The following CRACD variants were observed in gnomAD, a reference collection of about 807,000 sequenced individuals.
The protein encoded by CRACD is capping protein inhibiting regulator of actin dynamics.
In CRACD, 56 loss-of-function variants were observed where a neutral mutation model predicts 106.8. The ratio of observed to expected loss-of-function variants is 0.52; its 90% CI spans 0.42 to 0.66. The LOEUF (loss-of-function observed/expected upper bound fraction) is 0.66. CRACD is among the 30% of genes least tolerant of loss of function. The probability of loss-of-function intolerance (pLI) is 0.00; values close to 1 mark genes in which losing one functional copy is unlikely to be tolerated. For synonymous variants in CRACD, 754 were observed against 670.8 expected, an observed-to-expected ratio of 1.12 and a Z score of -1.92; for missense variants, 1,730 against 1,623.2, an observed-to-expected ratio of 1.07 and a Z score of -1.13.
chr4:56,120,061 G>A (rs973809669), intron 1 of CRACD, among the ~76,000 whole-genome samples: 10 of 152,134 alleles, frequency 6.6e-5, no homozygotes, highest in Admixed American at 5.2e-4. Context: ...GTTGTGTGAA[G>A]GTGAAACTAG....
chr4:56,112,197 G>A (rs552904171), intron 1 of CRACD, among the ~76,000 whole-genome samples: 33 of 152,294 alleles, frequency 2.2e-4, no homozygotes, highest in African/African-American at 7.7e-4. Flanking sequence ...GTGCAACGAA[G>A]CCAAATGCTG....
chr4:56,258,922 T>C (rs1741528936), intron 2 of CRACD, among the ~76,000 whole-genome samples: 1 of 152,138 alleles, frequency 6.6e-6, no homozygotes, highest in South Asian at 2.1e-4. Flanking sequence ...TACCCAACCA[T>C]ATATGCTCTA....
chr4:56,261,310 T>C (rs185565438), intron 2 of CRACD, among the ~76,000 whole-genome samples: 7 of 151,654 alleles, frequency 4.6e-5, no homozygotes, highest in African/African-American at 1.7e-4. Flanking sequence ...GGCCAAACAC[T>C]GAGGCTTCAC....
chr4:56,199,659 G>A (rs1182563917), intron 2 of CRACD, among the ~76,000 whole-genome samples: 1 of 138,570 alleles, frequency 7.2e-6, no homozygotes, highest in Non-Finnish European at 1.5e-5. Flanking sequence ...TCCAGCCTAG[G>A]CAACAGAGCG....
chr4:56,264,302 A>C (rs1577826383), intron 2 of CRACD, among the ~76,000 whole-genome samples: 1 of 152,248 alleles, frequency 6.6e-6, no homozygotes, highest in Middle Eastern at 3.4e-3. Context: ...CCCCTACTTC[A>C]AAACCCCATT....
Position 56,314,410 on chromosome 4 carries a change from C to CAGAGCGGAGGGAGCGGAG in CRACD, c.908_909insAGAGCGGAGGGAGCGGAG (p.Arg308_Glu309insArgGluArgArgGluArg), listed in dbSNP as rs1553920290. On this transcript the variant is annotated inframe_insertion, in exon 8 of 11. Transcript: ENST00000682029. This position sits in a 1 kb window ranked among gnomAD's most constrained non-coding sequence, Gnocchi z 4.4. ...CTGGAAGCGCCAGGTTGGGAGGACG[C>CAGAGCGGAGGGAGCGGAG]GGAGCGGAGGGAGCGTGAGGAGCGC... is the stretch of plus-strand genomic sequence containing the variant. 382 of 1,540,988 alleles carry CAGAGCGGAGGGAGCGGAG rather than the reference C, an allele frequency of 2.5e-4. 1 individual carries two copies. Among genetic ancestry groups the CAGAGCGGAGGGAGCGGAG allele is most frequent in the Non-Finnish European group, 3.2e-4 (365 of 1,143,560 alleles).
At chr4:56,063,785 A>T (rs948770988) in intron 1 of CRACD, among the ~76,000 whole-genome samples, 8 of 152,048 alleles carry the variant, frequency 5.3e-5, no homozygotes, top group African/African-American at 1.9e-4. Flanking sequence ...CCTTTGGGCT[A>T]CTCTGAGTAA....
At chr4:56,207,408 A>G (rs1738176204) in intron 2 of CRACD, among the ~76,000 whole-genome samples, 2 of 152,220 alleles carry the variant, frequency 1.3e-5, no homozygotes, top group Non-Finnish European at 2.9e-5. Flanking sequence ...CTGCCTATCC[A>G]GGAGAGTGAA....
chr4:56,059,205 A>C (rs545109769), intron 1 of CRACD, among the ~76,000 whole-genome samples: 1 of 152,302 alleles, frequency 6.6e-6, no homozygotes, highest in African/African-American at 2.4e-5. Context: ...CAGGAGGCTG[A>C]GGTGGGTGGA....
At chr4:56,208,870 C>T (rs1346040751) in intron 2 of CRACD, among the ~76,000 whole-genome samples, 1 of 152,000 alleles carries the variant, frequency 6.6e-6, no homozygotes, top group Non-Finnish European at 1.5e-5. Flanking sequence ...AAAGTGATAA[C>T]GAAAAGATTT....
Position 56,257,136 on chromosome 4 carries a change from C to T in CRACD, c.-188-15185C>T, listed in dbSNP as rs531648698. Among the ~76,000 whole-genome samples, 4 of 140,666 alleles carry T rather than the reference C, an allele frequency of 2.8e-5. No individual in the cohort carries two copies. In the East Asian group the frequency reaches 8.3e-4, roughly 29 times the overall value. The allele number at this position is 140,666 out of a possible 152,430, so 92.3% of individuals were successfully genotyped here. A position where few individuals can be genotyped will look rare whatever the true frequency, so the allele number is the denominator to read the frequency against. On this transcript the variant is annotated intron_variant, in intron 2 of 10. Transcript: ENST00000682029. The stretch of plus-strand genomic sequence containing the variant: ...TCACTATGTCACCCAGTCTGGAGTG[C>T]AGTGGTGCGATCTCGGCTCACTGCA...
chr4:56,218,896 T>C (rs1448763267), intron 2 of CRACD, among the ~76,000 whole-genome samples: 1 of 152,202 alleles, frequency 6.6e-6, no homozygotes, highest in East Asian at 1.9e-4. Flanking sequence ...TATTTTGGGC[T>C]ATAACATAGA....
intron 2 of CRACD, among the ~76,000 whole-genome samples, chr4:56,210,951 A>G (rs908593741): frequency 2.0e-5 from 3 of 152,190 alleles, no homozygotes; most frequent in African/African-American, 7.2e-5. Context: ...TGAACACTTT[A>G]TCTAGAATAA....
intron 1 of CRACD, among the ~76,000 whole-genome samples, chr4:56,100,315 A>C (rs1733739657): frequency 6.6e-6 from 1 of 152,234 alleles, no homozygotes; most frequent in African/African-American, 2.4e-5. Flanking sequence ...TCTCGCTTGA[A>C]TAGCATACAT....
chr4:56,310,798 C>CCTT (rs1553919758), intron 6 of CRACD, 64 bp downstream of exon 6: 60 of 804,326 alleles, frequency 7.5e-5, no homozygotes, highest in Admixed American at 2.1e-4. Context: ...TTCCCCCCCC[C>CCTT]TTTTTTTTTT....
chr4:56,121,386 A>G (rs1003905216), intron 1 of CRACD, among the ~76,000 whole-genome samples: 3 of 152,206 alleles, frequency 2.0e-5, no homozygotes, highest in Admixed American at 1.3e-4. Flanking sequence ...TCTTCCTATC[A>G]CAATACTGAG....
Position 56,120,820 on chromosome 4 carries a change from C to G in CRACD, c.-335-58464C>G, listed in dbSNP as rs139451034. The stretch of plus-strand genomic sequence containing the variant: ...GCAGTTTGGGCCTTGTTTCATATTT[C>G]TTTTGTGAAAGATAATTATCTATTT... On this transcript the variant is annotated intron_variant, in intron 1 of 10. Transcript: ENST00000682029. Among the ~76,000 whole-genome samples, 468 of 152,270 alleles carry G rather than the reference C, an allele frequency of 3.1e-3. 1 individual carries two copies. The highest frequency in any genetic ancestry group is 5.2e-3 in the Non-Finnish European group (353 of 68,014).
chr4:56,128,692 A>G (rs991642753), intron 1 of CRACD, among the ~76,000 whole-genome samples: 2 of 152,192 alleles, frequency 1.3e-5, no homozygotes, highest in African/African-American at 4.8e-5. Flanking sequence ...CTTTGAGCCC[A>G]GGAATTTGAC....
chr4:56,239,458 G>A lies in CRACD; in HGVS notation c.-188-32863G>A, dbSNP rs549190405. ...GGGTGTCATCATGCCCCATTCGCAG[G>A]CATGGTGACTGGCCTTTAATGTCAG... On this transcript the variant is annotated intron_variant, in intron 2 of 10. Transcript: ENST00000682029. Among the ~76,000 whole-genome samples, 3 of 152,054 alleles carry A rather than the reference G, an allele frequency of 2.0e-5. No individual in the cohort carries two copies. The South Asian group carries it at 6.3e-4, about 32-fold the overall frequency.
Sources: gnomAD v4.1 joint callset for allele counts (sites outside exome capture counted in the v4.1 genomes callset) on GRCh38, gnomAD v4.1.1 for gene constraint, Gnocchi (gnomAD v3.1) non-coding constraint, MANE v1.5 for transcripts, NCBI Gene and HGNC (gene_info 2026-07-23, HGNC 2026-07-21) for gene names.